The following NGEF variants were observed in gnomAD, a reference collection of about 807,000 sequenced individuals.
NGEF encodes neuronal guanine nucleotide exchange factor, also known as ephexin-1.
NGEF carries 31 observed loss-of-function variants against 80.9 expected under a neutral mutation model. That is an observed-to-expected ratio of 0.38 (90% CI 0.29 to 0.52). The LOEUF is 0.52. NGEF is among the 20% of genes least tolerant of loss of function. The probability of loss-of-function intolerance (pLI) is 0.84; values close to 1 mark genes in which losing one functional copy is unlikely to be tolerated. For missense variants in NGEF, 709 were observed against 926.2 expected (o/e 0.77, Z 3.04); for synonymous variants, 371 against 370.2 (o/e 1.00, Z -0.03).
At chr2:232,948,879 G>A (rs142636136) in intron 3 of NGEF, among the ~76,000 whole-genome samples, 2,865 of 151,998 alleles carry the variant, frequency 0.019, 46 homozygotes, top group African/African-American at 0.042. Flanking sequence ...TTAGCCAGGC[G>A]TGGTGGTGGG....
chr2:232,890,701 C>T (rs531615721), intron 8 of NGEF, among the ~76,000 whole-genome samples: 3 of 152,262 alleles, frequency 2.0e-5, no homozygotes, highest in South Asian at 2.1e-4. Context: ...ACATCCCTGC[C>T]GGGCCCCCAC....
chr2:233,003,235 C>A (rs1440494916), intron 1 of NGEF, among the ~76,000 whole-genome samples: 1 of 152,202 alleles, frequency 6.6e-6, no homozygotes, highest in Non-Finnish European at 1.5e-5. Flanking sequence ...CCAAGGAAGG[C>A]CTCTGGGACT....
At chr2:232,993,214 G>GATTTATATATTA (rs1694708086) in intron 1 of NGEF, among the ~76,000 whole-genome samples, 4 of 32,036 alleles carry the variant, frequency 1.2e-4, no homozygotes, top group African/African-American at 7.2e-4. Context: ...ATATTTGCCC[G>GATTTATATATTA]TATAGATACA....
chr2:232,890,987 TC>T, intron 8 of NGEF: 1 of 478,176 alleles, frequency 2.1e-6, no homozygotes, highest in Non-Finnish European at 4.3e-6. Flanking sequence ...GAATGTTCTT[TC>T]CTCTACCTGC....
At chr2:232,927,696 G>C (rs1315972007) in intron 3 of NGEF, among the ~76,000 whole-genome samples, 2 of 151,996 alleles carry the variant, frequency 1.3e-5, no homozygotes, top group African/African-American at 4.8e-5. Flanking sequence ...GGGTCCCAGG[G>C]GCCCGGGCCG....
intron 5 of NGEF, among the ~76,000 whole-genome samples, chr2:232,912,994 T>C (rs1051308895): frequency 6.6e-6 from 1 of 152,214 alleles, no homozygotes; most frequent in Non-Finnish European, 1.5e-5. Flanking sequence ...AAATTTCCCA[T>C]GTTGTTGATT....
chr2:232,972,140 G>A (rs1694207353), intron 2 of NGEF, among the ~76,000 whole-genome samples: 1 of 152,112 alleles, frequency 6.6e-6, no homozygotes, highest in South Asian at 2.1e-4. Flanking sequence ...ATCAATTTGG[G>A]TATGTAAATC....
chr2:232,981,790 G>A (rs1234744551), intron 1 of NGEF, among the ~76,000 whole-genome samples: 2 of 152,208 alleles, frequency 1.3e-5, no homozygotes, highest in Non-Finnish European at 2.9e-5. Flanking sequence ...CTGGCTCTGC[G>A]TGAATTACTA....
At chr2:232,999,453 A>G (rs1486646727) in intron 1 of NGEF, among the ~76,000 whole-genome samples, 1 of 152,188 alleles carries the variant, frequency 6.6e-6, no homozygotes, top group Non-Finnish European at 1.5e-5. Context: ...CCCTCTGGAC[A>G]TGCTGGTGAC....
In NGEF at chr2:233,006,867, G is replaced by A. The variant is rs139597926; in HGVS notation, c.-75+6201C>T. 2.3e-4 allele frequency among the ~76,000 whole-genome samples: 35 copies of A among 152,200 alleles called. 1 individual carries two copies. The highest frequency in any genetic ancestry group is 8.3e-4 in the South Asian group (4 of 4,818). ...CACACAGCTAGCAGGTGGTGGAGGC[G>A]GGATTCAAACCCAGGCAGCCCAGCT... On this transcript the variant is annotated intron_variant, in intron 1 of 14. Transcript: ENST00000264051.
In NGEF at chr2:232,920,470, G is replaced by A. The variant is rs1292021519; in HGVS notation, c.642C>T (p.Thr214=). The part of the protein sequence containing the change: ...NTNGSPASED[T]PEEEEEEEEE... ...CCTCCTCTTCTTCTTCCTCCTCCGG[G>A]GTGTCCTCACTGGCCGGGGACCCAT... Residue 214 remains threonine (T), a synonymous_variant, in exon 5 of 15, where the codon ACC becomes ACT. Transcript: ENST00000264051. The A allele has an allele frequency of 1.9e-6, 3 of 1,613,106 alleles. No homozygotes were observed. The African/African-American group carries it at 4.0e-5, about 22-fold the overall frequency.
At chr2:232,880,771 C>T (rs563033430) in intron 14 of NGEF, among the ~76,000 whole-genome samples, 1 of 12,452 alleles carries the variant, frequency 8.0e-5, no homozygotes, top group Non-Finnish European at 1.6e-4. Context: ...GCTGCAAGTA[C>T]AGGTCTGGGT....
intron 5 of NGEF, chr2:232,901,595 C>T: frequency 5.0e-6 from 1 of 200,286 alleles, no homozygotes; most frequent in Non-Finnish European, 8.9e-6. Context: ...ACTGGCTGCC[C>T]TCCACCTTCC....
In NGEF at chr2:232,892,185, A is replaced by G. The variant is rs1410236560; in HGVS notation, c.1143-698T>C. ...CTCCAATTCCAATTTTCCTTCACCA[A>G]CTGTTAAAACATCCAAATGCCCAAA... On this transcript the variant is annotated intron_variant, in intron 7 of 14. Coordinates refer to ENST00000264051, the MANE Select transcript of NGEF (RefSeq NM_019850.3). This position sits in a 1 kb window ranked among gnomAD's most constrained non-coding sequence, Gnocchi z 4.0. Among the ~76,000 whole-genome samples, 2 of 151,750 alleles carry G rather than the reference A, an allele frequency of 1.3e-5. No individual in the cohort carries two copies. Among genetic ancestry groups the G allele is most frequent in the South Asian group, 2.1e-4 (1 of 4,816 alleles).
rs112104448 is a variant in NGEF at position 232,959,323 on chromosome 2, G to A, written c.383+10891C>T. On this transcript the variant is annotated intron_variant, in intron 3 of 14. Coordinates refer to ENST00000264051, the MANE Select transcript of NGEF (RefSeq NM_019850.3). Reference sequence around the variant, plus strand: ...TAGAGCTGCAGGCTTGATTAGAGTCGGGCCACGTTTCTTCAGTTCCTGTTT... The same window carrying A: ...TAGAGCTGCAGGCTTGATTAGAGTCAGGCCACGTTTCTTCAGTTCCTGTTT... Among the ~76,000 whole-genome samples the A allele has an allele frequency of 1.1e-4, 17 of 152,164 alleles. 1 individual carries two copies. Among genetic ancestry groups the A allele is most frequent in the African/African-American group, 3.6e-4 (15 of 41,512 alleles).
Position 232,892,191 on chromosome 2 carries a change from A to G in NGEF, c.1143-704T>C, listed in dbSNP as rs1273408031. Among the ~76,000 whole-genome samples, 1 of 152,126 alleles carries G rather than the reference A, an allele frequency of 6.6e-6. No homozygotes were observed. Among genetic ancestry groups the G allele is most frequent in the African/African-American group, 2.4e-5 (1 of 41,420 alleles). On this transcript the variant is annotated intron_variant, in intron 7 of 14. Transcript: ENST00000264051. The surrounding 1 kb of genome is among the most constrained non-coding windows in gnomAD (Gnocchi z 4.0). Reference sequence around the variant, plus strand: ...TTCCAATTTTCCTTCACCAACTGTTAAAACATCCAAATGCCCAAAGACTCA... The same window carrying G: ...TTCCAATTTTCCTTCACCAACTGTTGAAACATCCAAATGCCCAAAGACTCA...
At chr2:233,011,862 G>A (rs1695214465) in intron 1 of NGEF, among the ~76,000 whole-genome samples, 1 of 152,156 alleles carries the variant, frequency 6.6e-6, no homozygotes, top group African/African-American at 2.4e-5. Context: ...TGGCTTTCCT[G>A]TGGGGATCCC....
chr2:232,995,011 A>G (rs1574658844), intron 1 of NGEF, among the ~76,000 whole-genome samples: 1 of 34,316 alleles, frequency 2.9e-5, no homozygotes, highest in Non-Finnish European at 9.6e-5. Flanking sequence ...TATGTATAAT[A>G]CATATATGTA....
At chr2:232,988,123 G>A (rs141842084) in intron 1 of NGEF, among the ~76,000 whole-genome samples, 3 of 150,140 alleles carry the variant, frequency 2.0e-5, no homozygotes, top group South Asian at 2.1e-4. Flanking sequence ...GCCTCCTACC[G>A]CTGTGCGCAG....
Sources: allele counts gnomAD v4.1 joint callset (sites outside exome capture counted in the v4.1 genomes callset), GRCh38; gene constraint gnomAD v4.1.1; non-coding constraint Gnocchi (gnomAD v3.1); transcripts MANE v1.5; gene names NCBI Gene and HGNC (gene_info 2026-07-23, HGNC 2026-07-21).